PSMD4: variants seen among roughly 807,000 people sequenced by gnomAD.
PSMD4 encodes 26S proteasome non-ATPase regulatory subunit 4.
A neutral mutation model predicts 39.7 loss-of-function variants in PSMD4; 5 were observed. The ratio of observed to expected loss-of-function variants is 0.13; its 90% CI spans 0.07 to 0.26. The LOEUF (loss-of-function observed/expected upper bound fraction) is 0.26, where lower values mean the gene tolerates loss of function less well. Among genes scored for constraint, PSMD4 ranks in the 10% least tolerant of loss-of-function variants. The pLI is 1.00. For synonymous variants in PSMD4, 143 were observed against 174.6 expected, an observed-to-expected ratio of 0.82 and a Z score of 1.43; for missense variants, 272 against 486.1, an observed-to-expected ratio of 0.56 and a Z score of 4.14.
chr1:151,266,450 G>C lies in PSMD4; in HGVS notation c.895+11G>C. The C allele has an allele frequency of 1.2e-6, 2 of 1,614,232 alleles. No homozygotes were observed. Among genetic ancestry groups the C allele is most frequent in the Non-Finnish European group, 1.7e-6 (2 of 1,180,046 alleles). ...CCCTGCAGGGAGCAGGTGAGCCAGAGCCTGGGTGGTGCCTAGGCAGAGGTT... is the reference window on the plus strand; with the variant it reads ...CCCTGCAGGGAGCAGGTGAGCCAGACCCTGGGTGGTGCCTAGGCAGAGGTT... On this transcript the variant is annotated intron_variant, in intron 8 of 9. Transcript: ENST00000368884.
Position 151,267,448 on chromosome 1 carries a change from C to A in PSMD4, c.*105C>A. 7.3e-7 allele frequency: 1 copy of A among 1,369,002 alleles called. No individual in the cohort carries two copies. The highest frequency in any genetic ancestry group is 1.0e-6 in the Non-Finnish European group (1 of 1,004,898). The allele number at this position is 1,369,002 out of a possible 1,614,324, so 84.8% of individuals were successfully genotyped here. The stretch of plus-strand genomic sequence containing the variant: ...TGTAACCATTACAGCCTAAATAAAG[C>A]TTGGCAACTTTTTTTCCTTTTTTGC... On this transcript the variant is annotated 3_prime_UTR_variant, in exon 10 of 10. Transcript: ENST00000368884.
At chr1:151,264,757 A>C in intron 3 of PSMD4, 75 bp from the exon 4 acceptor site, 4 of 1,228,692 alleles carry the variant, frequency 3.3e-6, no homozygotes, top group Non-Finnish European at 4.7e-6. Context: ...TGTAAGAAAA[A>C]GGGAACCGAG....
At chr1:151,257,296 CTG>C (rs780751297) in intron 1 of PSMD4, among the ~76,000 whole-genome samples, 1 of 152,266 alleles carries the variant, frequency 6.6e-6, no homozygotes, top group Non-Finnish European at 1.5e-5. Context: ...CCATTGGTCT[CTG>C]TGCCTGTTTT....
At chr1:151,262,686 T>C in intron 2 of PSMD4, 1 of 199,854 alleles carries the variant, frequency 5.0e-6, no homozygotes, top group South Asian at 7.8e-5. Flanking sequence ...AATACAAAAA[T>C]TAGCCAGGCA....
chr1:151,257,365 G>A (rs1015579727), intron 1 of PSMD4, among the ~76,000 whole-genome samples: 1 of 152,060 alleles, frequency 6.6e-6, no homozygotes, highest in African/African-American at 2.4e-5. Flanking sequence ...TTTGAAGTTG[G>A]GTAAAGTTGC....
At chr1:151,257,715 CTTTTTT>C (rs71090149) in intron 1 of PSMD4, among the ~76,000 whole-genome samples, 14 of 88,718 alleles carry the variant, frequency 1.6e-4, no homozygotes, top group East Asian at 3.5e-4. Context: ...ACCTGGCTTT[CTTTTTT>C]TTTTTTTTTT....
chr1:151,266,858 G>T, intron 9 of PSMD4: 2 of 716,164 alleles, frequency 2.8e-6, no homozygotes, highest in Non-Finnish European at 5.1e-6. Flanking sequence ...GGAAAAAAGC[G>T]GGTCTGGGAA....
chr1:151,267,044 C>T (rs1357609415), intron 9 of PSMD4, 129 bp from the exon 10 acceptor site: 1 of 1,121,222 alleles, frequency 8.9e-7, no homozygotes, highest in Non-Finnish European at 1.4e-6. Context: ...TTACGTCGAC[C>T]AGAGGTGCCC....
At chr1:151,265,133 C>T in intron 4 of PSMD4, 33 bp from the exon 5 acceptor site, 1 of 1,580,162 alleles carries the variant, frequency 6.3e-7, no homozygotes, top group Non-Finnish European at 8.6e-7. Context: ...GAGTATGGAA[C>T]AGATTTCTTG....
chr1:151,255,415 G>C (rs74125907), intron 1 of PSMD4, among the ~76,000 whole-genome samples: 1 of 152,158 alleles, frequency 6.6e-6, no homozygotes, highest in Non-Finnish European at 1.5e-5. Flanking sequence ...AAGTGGTGGA[G>C]TCAAGATTTA....
At chr1:151,264,785 G>C in intron 3 of PSMD4, 47 bp from the exon 4 acceptor site, 14 of 1,443,784 alleles carry the variant, frequency 9.7e-6, no homozygotes, top group Non-Finnish European at 1.4e-5. Flanking sequence ...GGAAAGAGCT[G>C]AGTGATTCCT....
Position 151,262,202 on chromosome 1 carries a change from C to T in PSMD4, c.68C>T (p.Pro23Leu), listed in dbSNP as rs777469669. ...TATATGCGGAATGGAGACTTCTTAC[C>T]CACCAGGCTGCAGGCCCAGCAGGAT... ...SEYMRNGDFL[P>L]TRLQAQQDAV... Residue 23 changes from proline to leucine, a missense_variant, in exon 2 of 10, where the codon CCC becomes CTC. Transcript: ENST00000368884. 2.5e-6 allele frequency: 4 copies of T among 1,614,158 alleles called. No individual in the cohort carries two copies. The highest frequency in any genetic ancestry group is 3.4e-6 in the Non-Finnish European group (4 of 1,180,030).
chr1:151,255,212 C>T (rs777416050), intron 1 of PSMD4, among the ~76,000 whole-genome samples: 1 of 152,244 alleles, frequency 6.6e-6, no homozygotes, highest in African/African-American at 2.4e-5. Context: ...TCCCTCGTCT[C>T]TAACTTCATT....
chr1:151,258,592 C>T (rs1221733127), intron 1 of PSMD4, among the ~76,000 whole-genome samples: 1 of 151,138 alleles, frequency 6.6e-6, no homozygotes, highest in Non-Finnish European at 1.5e-5. Context: ...TCCTGAATAG[C>T]TGGGACTACA....
intron 1 of PSMD4, among the ~76,000 whole-genome samples, chr1:151,256,364 A>AATAAATAAAT (rs1491378808): frequency 4.4e-5 from 2 of 45,638 alleles, no homozygotes; most frequent in Non-Finnish European, 9.4e-5. Context: ...AAATAATAAT[A>AATAAATAAAT]AAATAAATAA....
intron 1 of PSMD4, among the ~76,000 whole-genome samples, chr1:151,260,659 C>G (rs587605794): frequency 1.3e-5 from 2 of 152,086 alleles, no homozygotes; most frequent in Non-Finnish European, 1.5e-5. Flanking sequence ...CCTCAGCCAC[C>G]CGAATAGCTG....
rs368815128 is a variant in PSMD4 at position 151,263,975 on chromosome 1, A to G, written c.229A>G (p.Thr77Ala). ...TGGCCGTATCCTGTCCAAGCTACAT[A>G]CTGTCCAACCCAAGGGCAAGATCAC... ...DTGRILSKLH[T>A]VQPKGKITFC... Residue 77 changes from threonine (T) to alanine (A), a missense_variant, in exon 3 of 10, where the codon ACT becomes GCT. Thr to Ala is a moderately conservative substitution (Grantham distance 58). Coordinates refer to ENST00000368884, the MANE Select transcript of PSMD4 (RefSeq NM_002810.4). The G allele has an allele frequency of 3.1e-6, 5 of 1,605,354 alleles. No individual in the cohort carries two copies. The highest frequency in any genetic ancestry group is 4.3e-6 in the Non-Finnish European group (5 of 1,176,018).
chr1:151,266,544 A>G lies in PSMD4; in HGVS notation c.920A>G (p.Asp307Gly). Residue 307 changes from aspartate (D) to glycine (G), a missense_variant, in exon 9 of 10, where the codon GAC becomes GGC. Physicochemically the swap from Asp to Gly is moderately conservative, Grantham distance 94. Around this residue, in one of 3 missense-constraint regions of PSMD4, gnomAD observed 113 missense variants for 184.6 expected, o/e 0.61. Transcript: ENST00000368884. ...GAEFGQAESADIDASSAMDTS... is the reference protein window; with the variant it reads ...GAEFGQAESAGIDASSAMDTS... Reference sequence around the variant, plus strand: ...GAGTTTGGCCAGGCGGAATCAGCAGACATTGATGCCAGCTCAGCTATGGAC... The same window carrying G: ...GAGTTTGGCCAGGCGGAATCAGCAGGCATTGATGCCAGCTCAGCTATGGAC... 1 of 1,614,212 alleles carries G rather than the reference A, an allele frequency of 6.2e-7. No individual in the cohort carries two copies. Among genetic ancestry groups the G allele is most frequent in the African/African-American group, 1.3e-5 (1 of 75,050 alleles).
Position 151,266,859 on chromosome 1 carries a change from G to C in PSMD4, c.963+272G>C. The C allele has an allele frequency of 7.0e-6, 5 of 717,584 alleles. 1 individual carries two copies. The South Asian group carries it at 7.5e-5, about 11-fold the overall frequency. The allele number at this position is 717,584 out of a possible 1,614,324, so 44.5% of individuals were successfully genotyped here. A position where few individuals can be genotyped will look rare whatever the true frequency, so the allele number is the denominator to read the frequency against. On this transcript the variant is annotated intron_variant, in intron 9 of 9. Transcript: ENST00000368884. ...TGTCTTCCCAGGAGGGAAAAAAGCG[G>C]GTCTGGGAAAAAGAAAAAGGAGAAC...
Sources: allele counts gnomAD v4.1 joint callset (sites outside exome capture counted in the v4.1 genomes callset), GRCh38; gene constraint gnomAD v4.1.1; regional missense constraint gnomAD v4.1.1; transcripts MANE v1.5; gene names NCBI Gene and HGNC (gene_info 2026-07-23, HGNC 2026-07-21).